Variants in CTTNBP2 observed in about 807,000 individuals in gnomAD.
The protein encoded by CTTNBP2 is cortactin binding protein 2.
Under a neutral mutation model 156.9 loss-of-function variants are expected in CTTNBP2, and 108 were observed. That is an observed-to-expected ratio of 0.69 (90% CI 0.59 to 0.81). CTTNBP2 has a LOEUF of 0.81. Ranked by LOEUF, CTTNBP2 falls within the 30% of genes least tolerant of loss-of-function variation. CTTNBP2 has a pLI of 0.00. For synonymous variants in CTTNBP2, 767 were observed against 751.8 expected (o/e 1.02, Z -0.33); for missense variants, 1,924 against 2,035.4 (o/e 0.95, Z 1.05).
At chr7:117,827,545 ACAAG>A (rs1801361529) in intron 2 of CTTNBP2, among the ~76,000 whole-genome samples, 1 of 152,234 alleles carries the variant, frequency 6.6e-6, no homozygotes, top group East Asian at 1.9e-4. Flanking sequence ...ATACAAACAA[ACAAG>A]CAAGCAAGTG....
chr7:117,741,468 T>C (rs1380902552), intron 14 of CTTNBP2, among the ~76,000 whole-genome samples: 1 of 151,322 alleles, frequency 6.6e-6, no homozygotes, highest in African/African-American at 2.4e-5. Flanking sequence ...CTTTTCTGCT[T>C]TACTGCTTAC....
intron 5 of CTTNBP2, 138 bp downstream of exon 5, chr7:117,784,113 G>C (rs1442049053): frequency 1.7e-6 from 1 of 582,498 alleles, no homozygotes; most frequent in Admixed American, 3.6e-5. Context: ...TAAATCTCAT[G>C]TTTAAAAAAA....
chr7:117,785,918 G>A (rs775655147), intron 4 of CTTNBP2, among the ~76,000 whole-genome samples: 2 of 152,084 alleles, frequency 1.3e-5, no homozygotes, highest in South Asian at 2.1e-4. Flanking sequence ...ACCTGATTAC[G>A]ATATGTGGTA....
Position 117,794,076 on chromosome 7 carries a change from C to T in CTTNBP2, c.415-1295G>A, listed in dbSNP as rs141053047. On this transcript the variant is annotated intron_variant, in intron 3 of 22. Transcript: ENST00000160373. ...TTAAGACCTAGAACAGTGGCTGGCA[C>T]ACAGTGGTGCTTAATAAATTGTATA... Among the ~76,000 whole-genome samples, 332 of 152,316 alleles carry T rather than the reference C, an allele frequency of 2.2e-3. 1 individual carries two copies. Among genetic ancestry groups the T allele is most frequent in the African/African-American group, 7.6e-3 (314 of 41,570 alleles).
chr7:117,854,787 T>A (rs139914969), intron 2 of CTTNBP2, among the ~76,000 whole-genome samples: 5,340 of 152,132 alleles, frequency 0.035, 136 homozygotes, highest in Non-Finnish European at 0.049. Context: ...TTAATTAATT[T>A]ATTTATTTAT....
intron 2 of CTTNBP2, among the ~76,000 whole-genome samples, chr7:117,817,104 G>A (rs1344592208): frequency 6.6e-6 from 1 of 151,388 alleles, no homozygotes; most frequent in Non-Finnish European, 1.5e-5. Flanking sequence ...TTGGGAGGTC[G>A]AGATGGGCAC....
chr7:117,814,312 T>C (rs1800453834), intron 2 of CTTNBP2, among the ~76,000 whole-genome samples: 1 of 152,194 alleles, frequency 6.6e-6, no homozygotes, highest in Non-Finnish European at 1.5e-5. Context: ...GTTTTTTTAT[T>C]TTAAAATTAC....
At chr7:117,807,370 T>C (rs1195558282) in intron 3 of CTTNBP2, among the ~76,000 whole-genome samples, 1 of 152,184 alleles carries the variant, frequency 6.6e-6, no homozygotes, top group Non-Finnish European at 1.5e-5. Context: ...GTAAGCAATA[T>C]ATAATGAAGT....
At position 117,711,281 on chromosome 7, in the gene CTTNBP2, T is replaced by C; in HGVS notation, c.*256A>G. 5.2e-6 allele frequency: 2 copies of C among 384,200 alleles called. No individual in the cohort carries two copies. Among genetic ancestry groups the C allele is most frequent in the Non-Finnish European group, 9.4e-6 (2 of 212,450 alleles). 23.8% of individuals were successfully genotyped at this position (384,200 alleles called of 1,614,324 possible). A position where few individuals can be genotyped will look rare whatever the true frequency, so the allele number is the denominator to read the frequency against. On this transcript the variant is annotated 3_prime_UTR_variant, in exon 23 of 23. Coordinates refer to ENST00000160373, the MANE Select transcript of CTTNBP2 (RefSeq NM_033427.3). The stretch of plus-strand genomic sequence containing the variant: ...ACATCTTGATTAAAACTATTACAAT[T>C]TTTCTATTATAAAACTACTTGAAAA...
intron 22 of CTTNBP2, among the ~76,000 whole-genome samples, chr7:117,714,980 T>G (rs542060004): frequency 6.6e-6 from 1 of 152,358 alleles, no homozygotes; most frequent in Non-Finnish European, 1.5e-5. Context: ...TTGCTGTGCA[T>G]GTTAAACTCA....
rs186428710 is a variant in CTTNBP2, at chr7:117,728,213, C to T, written c.3931G>A (p.Ala1311Thr). The T allele has an allele frequency of 6.2e-7, 1 of 1,614,122 alleles. No homozygotes were observed. Among genetic ancestry groups the T allele is most frequent in the South Asian group, 1.1e-5 (1 of 91,082 alleles). The change falls in exon 17 of 23, where the codon GCT becomes ACT. Residue 1311 changes from alanine (A) to threonine (T), a missense_variant. Coordinates refer to ENST00000160373, the MANE Select transcript of CTTNBP2 (RefSeq NM_033427.3). ...TTAAGCTGACGCCAGACGGACAGAG[C>T]CCAGTCGACAATCTTGCACACAGGA... Reference protein sequence around the residue: ...CDPVCKIVDWALSVWRQLNSC... With the variant: ...CDPVCKIVDWTLSVWRQLNSC...
chr7:117,769,166 T>C (rs1797679101), intron 8 of CTTNBP2, among the ~76,000 whole-genome samples: 1 of 152,200 alleles, frequency 6.6e-6, no homozygotes, highest in African/African-American at 2.4e-5. Context: ...TATACATGAG[T>C]TCCAGTTGCT....
At chr7:117,815,753 T>A (rs562349707) in intron 2 of CTTNBP2, among the ~76,000 whole-genome samples, 76 of 152,276 alleles carry the variant, frequency 5.0e-4, no homozygotes, top group Non-Finnish European at 7.8e-4. Context: ...CACGTTTTTT[T>A]AAAAAATCAT....
Position 117,791,976 on chromosome 7 carries a change from G to C in CTTNBP2, c.1220C>G (p.Pro407Arg), listed in dbSNP as rs1335049063. The change falls in exon 4 of 23, where the codon CCT becomes CGT. Residue 407 changes from proline (P) to arginine (R), a missense_variant. Physicochemically the swap from Pro to Arg is moderately radical, Grantham distance 103. Transcript: ENST00000160373. ...STPPLPSNAAPPTAQTPGIAP... is the reference protein window; with the variant it reads ...STPPLPSNAARPTAQTPGIAP... Reference sequence around the variant, plus strand: ...TATGCCTGGTGTTTGAGCGGTGGGAGGGGCAGCGTTACTGGGAAGTGGGGG... The same window carrying C: ...TATGCCTGGTGTTTGAGCGGTGGGACGGGCAGCGTTACTGGGAAGTGGGGG... 1 of 1,614,116 alleles carries C rather than the reference G, an allele frequency of 6.2e-7. No homozygotes were observed.
intron 1 of CTTNBP2, among the ~76,000 whole-genome samples, chr7:117,864,437 A>G (rs544343402): frequency 7.4e-4 from 112 of 151,992 alleles, no homozygotes; most frequent in African/African-American, 2.6e-3. Context: ...AAATATAATA[A>G]TAATATTTTC....
At chr7:117,735,476 A>AT in intron 14 of CTTNBP2, 55 bp from the exon 15 acceptor site, 1 of 1,495,772 alleles carries the variant, frequency 6.7e-7, no homozygotes, top group South Asian at 1.2e-5. Context: ...ATTTATACAA[A>AT]TTGGCAAAAC....
intron 3 of CTTNBP2, among the ~76,000 whole-genome samples, chr7:117,805,084 T>C (rs1799851390): frequency 6.6e-6 from 1 of 152,218 alleles, no homozygotes; most frequent in Non-Finnish European, 1.5e-5. Context: ...TTTTGAAGCA[T>C]GAACTAGGTC....
At chr7:117,847,217 G>C (rs775413591) in intron 2 of CTTNBP2, among the ~76,000 whole-genome samples, 29 of 152,010 alleles carry the variant, frequency 1.9e-4, no homozygotes, top group Admixed American at 6.5e-4. Context: ...ACAATAAAGA[G>C]AGTTGGAAAG....
chr7:117,865,121 T>C (rs979664210), intron 1 of CTTNBP2, among the ~76,000 whole-genome samples: 1 of 151,666 alleles, frequency 6.6e-6, no homozygotes, highest in African/African-American at 2.4e-5. Context: ...AAAGATTGCC[T>C]TGATAATCTA....
Sources: gnomAD v4.1 joint callset for allele counts (sites outside exome capture counted in the v4.1 genomes callset) on GRCh38, gnomAD v4.1.1 for gene constraint, MANE v1.5 for transcripts, NCBI Gene and HGNC (gene_info 2026-07-23, HGNC 2026-07-21) for gene names.